CLASP2: variants seen among roughly 807,000 people sequenced by gnomAD.
CLASP2 encodes cytoplasmic linker associated protein 2.
Under a neutral mutation model 194.4 loss-of-function variants are expected in CLASP2, and 47 were observed. That is an observed-to-expected ratio of 0.24 (90% CI 0.19 to 0.31). The LOEUF is 0.31. Ranked by LOEUF, CLASP2 falls within the 10% of genes least tolerant of loss-of-function variation. The pLI, the probability that CLASP2 is intolerant of heterozygous loss-of-function variation, is 1.00. For missense variants in CLASP2, 1,445 were observed against 1,823.6 expected, an observed-to-expected ratio of 0.79 and a Z score of 3.78; for synonymous variants, 619 against 633.5, an observed-to-expected ratio of 0.98 and a Z score of 0.34.
intron 37 of CLASP2, 83 bp downstream of exon 37, chr3:33,510,475 C>A: frequency 8.0e-7 from 1 of 1,253,562 alleles, no homozygotes; most frequent in Middle Eastern, 1.9e-4. Context: ...TTGATCATGC[C>A]AGTAATGATG....
chr3:33,613,573 C>T (rs748648205), intron 12 of CLASP2, among the ~76,000 whole-genome samples: 1 of 152,154 alleles, frequency 6.6e-6, no homozygotes, highest in Non-Finnish European at 1.5e-5. Flanking sequence ...AAATGAAAAC[C>T]CTTTTTTCAG....
intron 2 of CLASP2, among the ~76,000 whole-genome samples, chr3:33,690,379 G>A (rs779052995): frequency 1.6e-4 from 25 of 152,214 alleles, no homozygotes; most frequent in Middle Eastern, 3.4e-3. Context: ...TATTTCCTCA[G>A]CCGTAAATGT....
At chr3:33,583,738 T>C (rs904665959) in intron 22 of CLASP2, among the ~76,000 whole-genome samples, 1 of 152,192 alleles carries the variant, frequency 6.6e-6, no homozygotes, top group East Asian at 1.9e-4. Flanking sequence ...AATATGAGAA[T>C]ATTTTTTAAA....
At chr3:33,716,366 G>A (rs773333153) in intron 1 of CLASP2, among the ~76,000 whole-genome samples, 16 of 152,196 alleles carry the variant, frequency 1.1e-4, no homozygotes, top group Admixed American at 2.6e-4. Context: ...AGGCATAACA[G>A]AAAACTAGCA....
chr3:33,577,234 G>GC (rs766143536), intron 23 of CLASP2: 7 of 1,597,866 alleles, frequency 4.4e-6, no homozygotes, highest in Non-Finnish European at 5.9e-6. Flanking sequence ...GGCGTAGAGG[G>GC]CACCAGTTGA....
chr3:33,531,331 G>A (rs1423390971), intron 34 of CLASP2, among the ~76,000 whole-genome samples: 1 of 152,066 alleles, frequency 6.6e-6, no homozygotes, highest in Admixed American at 6.6e-5. Flanking sequence ...AATATACAGA[G>A]AACTCCTGCA....
Position 33,717,890 on chromosome 3 carries a change from A to T in CLASP2, c.113T>A (p.Ile38Asn). The T allele has an allele frequency of 6.4e-7, 1 of 1,558,018 alleles. No homozygotes were observed. Among genetic ancestry groups the T allele is most frequent in the Non-Finnish European group, 8.7e-7 (1 of 1,151,588 alleles). Residue 38 changes from isoleucine to asparagine, a missense_variant, in exon 1 of 39, where the codon ATC (isoleucine) becomes AAC (asparagine). By Grantham distance (149) the Ile-to-Asn change is moderately radical. Around this residue, in one of 4 missense-constraint regions of CLASP2, gnomAD observed 332 missense variants for 325.3 expected, o/e 1.02. Coordinates refer to ENST00000682230, the MANE Select transcript of CLASP2 (RefSeq NM_001365631.1). ...LLLYLGAPGA[I>N]SDLEEDLGRL... ...GCCCAGGTCCTCCTCCAGGTCCGAG[A>T]TGGCGCCGGGGGCGCCAAGGTAGAG...
chr3:33,535,289 T>A lies in CLASP2; in HGVS notation c.3731A>T (p.Asn1244Ile), dbSNP rs2057117350. The change falls in exon 34 of 39, where the codon AAC becomes ATC. Residue 1244 changes from asparagine (N) to isoleucine (I), a missense_variant. Asn to Ile is a moderately radical substitution (Grantham distance 149, BLOSUM62 -3). Around this residue, in one of 4 missense-constraint regions of CLASP2, gnomAD observed 732 missense variants for 987.9 expected, o/e 0.74. Transcript: ENST00000682230. ...CATGGCTTCCTTGAGGGCAGACTTGTTGAAGGGACTGATGCTATCTGAATA... is the reference window on the plus strand; with the variant it reads ...CATGGCTTCCTTGAGGGCAGACTTGATGAAGGGACTGATGCTATCTGAATA... ...YNYSDSISPF[N>I]KSALKEAMFD... 1 of 1,613,836 alleles carries A rather than the reference T, an allele frequency of 6.2e-7. No individual in the cohort carries two copies. Among genetic ancestry groups the A allele is most frequent in the Admixed American group, 1.7e-5 (1 of 59,982 alleles).
At chr3:33,709,991 AG>A (rs1234388847) in intron 1 of CLASP2, among the ~76,000 whole-genome samples, 1 of 152,240 alleles carries the variant, frequency 6.6e-6, no homozygotes, top group Non-Finnish European at 1.5e-5. Context: ...CACAGTAACT[AG>A]GAAGTCCTGG....
chr3:33,628,191 C>A (rs2078397682), intron 9 of CLASP2, among the ~76,000 whole-genome samples: 5 of 152,126 alleles, frequency 3.3e-5, no homozygotes, highest in African/African-American at 9.7e-5. Flanking sequence ...CGTGTAAATG[C>A]AAAGGAGAAC....
At chr3:33,662,955 A>C (rs2085520755) in intron 7 of CLASP2, among the ~76,000 whole-genome samples, 1 of 152,106 alleles carries the variant, frequency 6.6e-6, no homozygotes, top group Non-Finnish European at 1.5e-5. Flanking sequence ...ATTCTACTTA[A>C]GCCTGAGGTG....
In CLASP2 at chr3:33,594,289, G is replaced by C. The variant is rs372586366; in HGVS notation, c.1966+662C>G. Among the ~76,000 whole-genome samples the C allele has an allele frequency of 2.0e-5, 3 of 152,112 alleles. No individual in the cohort carries two copies. The East Asian group carries it at 5.8e-4, about 29-fold the overall frequency. ...AAAATAGTCATCCACGTAAAACTTA[G>C]AGGAAAAAAATTTATATTTTGAATC... On this transcript the variant is annotated intron_variant, in intron 20 of 38. Coordinates refer to ENST00000682230, the MANE Select transcript of CLASP2 (RefSeq NM_001365631.1).
intron 11 of CLASP2, 74 bp downstream of exon 11, chr3:33,622,061 A>T: frequency 8.7e-7 from 1 of 1,148,712 alleles, no homozygotes; most frequent in Non-Finnish European, 1.2e-6. Flanking sequence ...CTACTGCTTG[A>T]CTTAATGAGC....
At chr3:33,568,382 G>A (rs984999426) in intron 26 of CLASP2, among the ~76,000 whole-genome samples, 14 of 151,542 alleles carry the variant, frequency 9.2e-5, no homozygotes, top group African/African-American at 1.2e-4. Context: ...GTGAGAACCC[G>A]TCTCTACTAA....
intron 13 of CLASP2, 118 bp from the exon 14 acceptor site, chr3:33,608,744 CTTTTTTTTTTTTTT>C (rs766687478): frequency 6.3e-6 from 1 of 159,060 alleles, no homozygotes; most frequent in Non-Finnish European, 1.1e-5. Flanking sequence ...TTTTAGATAT[CTTTTTTTTTTTTTT>C]TTTTTTTTTT....
intron 6 of CLASP2, among the ~76,000 whole-genome samples, chr3:33,671,557 G>T (rs983631417): frequency 1.3e-5 from 2 of 152,174 alleles, no homozygotes; most frequent in Admixed American, 6.5e-5. Context: ...GAGGTACCAG[G>T]TTCATCTCAC....
intron 22 of CLASP2, among the ~76,000 whole-genome samples, chr3:33,583,709 A>T (rs2066670512): frequency 6.6e-6 from 1 of 152,238 alleles, no homozygotes; most frequent in African/African-American, 2.4e-5. Context: ...AAGAAATAGA[A>T]ATATGAGTAT....
chr3:33,616,833 G>A (rs1046502522), intron 12 of CLASP2, among the ~76,000 whole-genome samples: 2 of 144,294 alleles, frequency 1.4e-5, no homozygotes, highest in African/African-American at 2.6e-5. Flanking sequence ...CCCCTCCCAA[G>A]TTCAAGCAAT....
chr3:33,606,656 A>G lies in CLASP2; in HGVS notation c.1629T>C (p.Ser543=), dbSNP rs369340248. 39 of 1,613,648 alleles carry G rather than the reference A, an allele frequency of 2.4e-5. No individual in the cohort carries two copies. The highest frequency in any genetic ancestry group is 2.2e-4 in the East Asian group (10 of 44,852). Residue 543 remains serine, a synonymous_variant, in exon 16 of 39, where the codon AGT becomes AGC. Coordinates refer to ENST00000682230, the MANE Select transcript of CLASP2 (RefSeq NM_001365631.1). ...YQKSLQTYLK[S]SGSVASLPQS... is the part of the protein sequence containing the mutation. ...GTGGAAGAGATGCTACACTGCCAGA[A>G]CTCTTTAAGTAAGTTTGAAGACTCT...
Sources: allele counts gnomAD v4.1 joint callset (sites outside exome capture counted in the v4.1 genomes callset), GRCh38; gene constraint gnomAD v4.1.1; regional missense constraint gnomAD v4.1.1; transcripts MANE v1.5; gene names NCBI Gene and HGNC (gene_info 2026-07-23, HGNC 2026-07-21).